AOPEP: variants seen among roughly 807,000 people sequenced by gnomAD.
The protein encoded by AOPEP is aminopeptidase O.
Under a neutral mutation model 98.1 loss-of-function variants are expected in AOPEP, and 77 were observed. The ratio of observed to expected loss-of-function variants is 0.78; its 90% CI spans 0.65 to 0.95. The LOEUF (loss-of-function observed/expected upper bound fraction) is 0.95. Ranked by LOEUF, AOPEP falls within the 40% of genes least tolerant of loss-of-function variation. The pLI is 0.00. For missense variants in AOPEP, 1,024 were observed against 1,024.7 expected, an observed-to-expected ratio of 1.00 and a Z score of 0.01; for synonymous variants, 346 against 365.3, an observed-to-expected ratio of 0.95 and a Z score of 0.60.
chr9:95,106,066 G>A, the AOPEP span, among the ~76,000 whole-genome samples: 1 of 152,180 alleles, frequency 6.6e-6, no homozygotes, highest in Non-Finnish European at 1.5e-5. Context: ...GTAGCTGCAC[G>A]ACGTTAATGT....
intron 1 of AOPEP, among the ~76,000 whole-genome samples, chr9:94,732,760 A>T (rs1408302197): frequency 1.3e-5 from 2 of 152,240 alleles, no homozygotes; most frequent in Admixed American, 6.5e-5. Flanking sequence ...CTAAATACAG[A>T]ATATAAACTC....
At chr9:94,796,708 C>T (rs1847014637) in intron 4 of AOPEP, among the ~76,000 whole-genome samples, 1 of 152,144 alleles carries the variant, frequency 6.6e-6, no homozygotes, top group African/African-American at 2.4e-5. Flanking sequence ...AAGAACATTC[C>T]CTCTTCCAGC....
chr9:95,141,537 C>G, the AOPEP span, among the ~76,000 whole-genome samples: 51 of 152,034 alleles, frequency 3.4e-4, no homozygotes, highest in Non-Finnish European at 5.7e-4. Flanking sequence ...AACATAAACC[C>G]AACATCTTGA....
At chr9:95,136,647 T>C in the AOPEP span, among the ~76,000 whole-genome samples, 34 of 152,284 alleles carry the variant, frequency 2.2e-4, no homozygotes, top group African/African-American at 8.2e-4. Flanking sequence ...TCACCACATC[T>C]GGCTATTTTT....
At chr9:94,817,754 AT>A (rs1431749987) in intron 5 of AOPEP, among the ~76,000 whole-genome samples, 1 of 152,248 alleles carries the variant, frequency 6.6e-6, no homozygotes, top group Admixed American at 6.5e-5. Context: ...TAGATTTGGC[AT>A]TCCGGAGGGC....
intron 4 of AOPEP, among the ~76,000 whole-genome samples, chr9:94,799,861 CAA>C (rs34659070): frequency 0.14 from 16,306 of 119,942 alleles, 1,474 homozygotes; most frequent in African/African-American, 0.28. Context: ...GATTCCATCT[CAA>C]AAAAAAAAAA....
chr9:95,093,061 G>A, the AOPEP span, among the ~76,000 whole-genome samples: 4 of 152,248 alleles, frequency 2.6e-5, no homozygotes, highest in African/African-American at 7.2e-5. Flanking sequence ...TGGAACAAGT[G>A]TGCATTTATG....
intron 5 of AOPEP, among the ~76,000 whole-genome samples, chr9:94,871,642 A>G (rs2046359551): frequency 6.6e-6 from 1 of 152,096 alleles, no homozygotes; most frequent in South Asian, 2.1e-4. Context: ...TATTTTGCCT[A>G]TCTGATATTT....
At chr9:95,109,154 C>T in the AOPEP span, among the ~76,000 whole-genome samples, 2 of 152,160 alleles carry the variant, frequency 1.3e-5, no homozygotes, top group African/African-American at 2.4e-5. Flanking sequence ...TCAAGTGATA[C>T]GGCCACCTCG....
At chr9:94,921,575 A>G (rs2053625704) in intron 5 of AOPEP, among the ~76,000 whole-genome samples, 1 of 152,228 alleles carries the variant, frequency 6.6e-6, no homozygotes, top group South Asian at 2.1e-4. Flanking sequence ...CCTTGAAAGA[A>G]TATTCTGTTG....
the AOPEP span, chr9:95,126,625 C>CT: frequency 1.9e-6 from 3 of 1,599,264 alleles, no homozygotes; most frequent in Admixed American, 5.0e-5. Flanking sequence ...ATCACAAGCA[C>CT]TTTCTCAGAA....
At chr9:94,792,053 C>T (rs1404297344) in intron 3 of AOPEP, among the ~76,000 whole-genome samples, 1 of 152,186 alleles carries the variant, frequency 6.6e-6, no homozygotes, top group Admixed American at 6.5e-5. Context: ...GTGGAGAGTA[C>T]ACCCTCAACT....
chr9:95,075,089 C>A (rs1484390221), intron 14 of AOPEP, among the ~76,000 whole-genome samples: 1 of 152,164 alleles, frequency 6.6e-6, no homozygotes. Context: ...CCCTCCCACA[C>A]CAACTTCATC....
At chr9:95,077,625 C>T (rs2069218727) in intron 14 of AOPEP, among the ~76,000 whole-genome samples, 1 of 152,214 alleles carries the variant, frequency 6.6e-6, no homozygotes, top group African/African-American at 2.4e-5. Flanking sequence ...CTCTGTGGCC[C>T]CACCTCTCTG....
intron 5 of AOPEP, among the ~76,000 whole-genome samples, chr9:94,910,554 C>G (rs977087596): frequency 6.6e-6 from 1 of 152,210 alleles, no homozygotes; most frequent in African/African-American, 2.4e-5. Context: ...TGAGGATGTG[C>G]TTTTAACCTA....
At chr9:94,896,588 G>A (rs749939797) in intron 5 of AOPEP, among the ~76,000 whole-genome samples, 5 of 152,144 alleles carry the variant, frequency 3.3e-5, no homozygotes, top group Admixed American at 6.6e-5. Context: ...TGATGAGAAC[G>A]CACTTTATAT....
At chr9:95,147,602 T>C in the AOPEP span, among the ~76,000 whole-genome samples, 1 of 152,190 alleles carries the variant, frequency 6.6e-6, no homozygotes, top group Non-Finnish European at 1.5e-5. Context: ...ACAGAGAAAG[T>C]GGGCTAAACT....
At chr9:94,858,380 C>CT (rs66518560) in intron 5 of AOPEP, among the ~76,000 whole-genome samples, 127,366 of 152,136 alleles carry the variant, frequency 0.84, 55,277 homozygotes, top group Non-Finnish European at 0.94. Context: ...AACTTGGTGA[C>CT]TTAAAACAAT....
At chr9:95,028,848 A>G (rs7043471) in intron 13 of AOPEP, among the ~76,000 whole-genome samples, 151,863 of 152,362 alleles carry the variant, frequency 1, 75,684 homozygotes, top group Middle Eastern at 1. Flanking sequence ...TAGATAGAGC[A>G]TTGTATTAGA....
Sources: gnomAD v4.1 joint callset for allele counts (sites outside exome capture counted in the v4.1 genomes callset) on GRCh38, gnomAD v4.1.1 for gene constraint, MANE v1.5 for transcripts, NCBI Gene and HGNC (gene_info 2026-07-23, HGNC 2026-07-21) for gene names.